Variants in EGFR observed in about 807,000 individuals in gnomAD.
EGFR encodes epidermal growth factor receptor, also known as avian erythroblastic leukemia viral (v-erb-b) oncogene homolog.
Under a neutral mutation model 143.0 loss-of-function variants are expected in EGFR, and 58 were observed. The ratio of observed to expected loss-of-function variants is 0.41; its 90% confidence interval spans 0.33 to 0.50. The LOEUF is 0.50. Among genes scored for constraint, EGFR ranks in the 20% least tolerant of loss-of-function variants. The probability of loss-of-function intolerance (pLI) is 0.39; values close to 1 mark genes in which losing one functional copy is unlikely to be tolerated. For missense variants in EGFR, 1,307 were observed against 1,579.0 expected (o/e 0.83, Z 2.92); for synonymous variants, 613 against 594.4 (o/e 1.03, Z -0.45).
intron 1 of EGFR, among the ~76,000 whole-genome samples, chr7:55,077,791 A>T (rs1176671937): frequency 6.6e-6 from 1 of 152,146 alleles, no homozygotes; most frequent in Non-Finnish European, 1.5e-5. Context: ...AAATGCTCTT[A>T]AAAAAGAAAC....
At chr7:55,082,059 A>C (rs1381117552) in intron 1 of EGFR, among the ~76,000 whole-genome samples, 7 of 152,134 alleles carry the variant, frequency 4.6e-5, no homozygotes. Flanking sequence ...TTCACAATGC[A>C]GGCTGGGTGG....
chr7:55,109,120 A>G (rs765996479), intron 1 of EGFR, among the ~76,000 whole-genome samples: 1 of 152,234 alleles, frequency 6.6e-6, no homozygotes, highest in African/African-American at 2.4e-5. Context: ...AGAAGAATTT[A>G]TTGCCTCCTT....
rs553729307 is a variant in EGFR at position 55,155,576 on chromosome 7, G to A, written c.890-254G>A. Among the ~76,000 whole-genome samples, 40 of 152,328 alleles carry A rather than the reference G, an allele frequency of 2.6e-4. No homozygotes were observed. In the South Asian group the frequency reaches 8.1e-3, roughly 31 times the overall value. ...TGCCTGCTGGGACGCAAAACAGCTG[G>A]CCCCTCAAGGGACCCAGTGTTTCCT... On this transcript the variant is annotated intron_variant, in intron 7 of 27. Coordinates refer to ENST00000275493, the MANE Select transcript of EGFR (RefSeq NM_005228.5).
chr7:55,052,765 C>G (rs961797446), intron 1 of EGFR, among the ~76,000 whole-genome samples: 1 of 152,184 alleles, frequency 6.6e-6, no homozygotes, highest in East Asian at 1.9e-4. Flanking sequence ...GAGTCAAGGG[C>G]TCCGGGTGGG....
intron 7 of EGFR, 79 bp downstream of exon 7, chr7:55,154,231 C>T (rs1785298844): frequency 6.2e-6 from 10 of 1,603,762 alleles, no homozygotes; most frequent in African/African-American, 5.4e-5. Context: ...CTGGAGTATC[C>T]CATCTTGGAG....
At chr7:55,088,855 A>C (rs895755234) in intron 1 of EGFR, among the ~76,000 whole-genome samples, 3 of 152,132 alleles carry the variant, frequency 2.0e-5, no homozygotes, top group African/African-American at 4.8e-5. Flanking sequence ...CTCATCTCCC[A>C]CGCCCTCCAT....
chr7:55,058,817 A>C (rs1438565416), intron 1 of EGFR, among the ~76,000 whole-genome samples: 1 of 152,224 alleles, frequency 6.6e-6, no homozygotes, highest in African/African-American at 2.4e-5. Flanking sequence ...ATACCTGCAC[A>C]TGTACCCCTG....
intron 1 of EGFR, among the ~76,000 whole-genome samples, chr7:55,068,445 T>C (rs1789642502): frequency 6.6e-6 from 1 of 152,212 alleles, no homozygotes; most frequent in South Asian, 2.1e-4. Context: ...TTTCTGGTAG[T>C]AGCAGCTCCA....
At chr7:55,103,439 T>C (rs1354941986) in intron 1 of EGFR, among the ~76,000 whole-genome samples, 3 of 152,254 alleles carry the variant, frequency 2.0e-5, no homozygotes, top group Admixed American at 1.3e-4. Context: ...TAACACCCTG[T>C]AATATACTTT....
chr7:55,021,222 C>T (rs911140835), intron 1 of EGFR, among the ~76,000 whole-genome samples: 1 of 152,218 alleles, frequency 6.6e-6, no homozygotes, highest in Admixed American at 6.5e-5. Context: ...TCTGCTGAGC[C>T]TGCAGGCCCG....
At chr7:55,073,572 A>AAAG (rs1789957400) in intron 1 of EGFR, among the ~76,000 whole-genome samples, 1 of 152,198 alleles carries the variant, frequency 6.6e-6, no homozygotes, top group Admixed American at 6.5e-5. Flanking sequence ...TATTTTTTAT[A>AAAG]AAGTTCAAGT....
chr7:55,021,203 G>A (rs1004908632), intron 1 of EGFR, among the ~76,000 whole-genome samples: 4 of 152,238 alleles, frequency 2.6e-5, no homozygotes, highest in African/African-American at 9.6e-5. Flanking sequence ...CTGGTGGAAA[G>A]GTTTCTTCTC....
chr7:55,122,394 A>G (rs1204585292), intron 1 of EGFR, among the ~76,000 whole-genome samples: 2 of 152,156 alleles, frequency 1.3e-5, no homozygotes, highest in East Asian at 1.9e-4. Flanking sequence ...CCAGTGCAGC[A>G]TGTGTCCTCA....
intron 1 of EGFR, among the ~76,000 whole-genome samples, chr7:55,040,883 C>A (rs927160072): frequency 6.6e-6 from 1 of 152,178 alleles, no homozygotes; most frequent in African/African-American, 2.4e-5. Flanking sequence ...ACTGCATCTA[C>A]ATCAGAAGAT....
chr7:55,186,305 G>C (rs539264722), intron 20 of EGFR, among the ~76,000 whole-genome samples: 33 of 152,356 alleles, frequency 2.2e-4, no homozygotes, highest in Middle Eastern at 3.4e-3. Flanking sequence ...GCAACTGCAA[G>C]GCAGGTCCCA....
At chr7:55,052,359 C>T (rs1788538772) in intron 1 of EGFR, among the ~76,000 whole-genome samples, 1 of 152,220 alleles carries the variant, frequency 6.6e-6, no homozygotes, top group Non-Finnish European at 1.5e-5. Flanking sequence ...GGAGATGATG[C>T]ATCCACAGCA....
chr7:55,081,471 A>G (rs1352489259), intron 1 of EGFR, among the ~76,000 whole-genome samples: 2 of 152,128 alleles, frequency 1.3e-5, no homozygotes, highest in Non-Finnish European at 2.9e-5. Flanking sequence ...CAGGTGGTAA[A>G]GTGTGGTGTC....
At chr7:55,203,294 C>G (rs1027000528) in intron 27 of EGFR, among the ~76,000 whole-genome samples, 20 of 150,758 alleles carry the variant, frequency 1.3e-4, no homozygotes, top group African/African-American at 4.6e-4. Flanking sequence ...ACCCCACACA[C>G]ATACACATAT....
intron 17 of EGFR, among the ~76,000 whole-genome samples, chr7:55,173,515 C>T (rs1786454105): frequency 6.6e-6 from 1 of 152,228 alleles, no homozygotes; most frequent in Admixed American, 6.5e-5. Context: ...TTCGCCACAG[C>T]CCAGTCCTGT....
Sources: allele counts gnomAD v4.1 joint callset (sites outside exome capture counted in the v4.1 genomes callset), GRCh38; gene constraint gnomAD v4.1.1; transcripts MANE v1.5; gene names NCBI Gene and HGNC (gene_info 2026-07-23, HGNC 2026-07-21).